The following RCAN2 variants were observed in gnomAD, a reference collection of about 807,000 sequenced individuals.
The protein encoded by RCAN2 is regulator of calcineurin 2.
A neutral mutation model predicts 23.6 loss-of-function variants in RCAN2; 9 were observed. The ratio of observed to expected loss-of-function variants is 0.38; its 90% CI spans 0.23 to 0.67. RCAN2 has a LOEUF of 0.67. Ranked by LOEUF, RCAN2 falls within the 30% of genes least tolerant of loss-of-function variation. The probability of loss-of-function intolerance (pLI) is 0.51; values close to 1 mark genes in which losing one functional copy is unlikely to be tolerated. For missense variants in RCAN2, 273 were observed against 302.3 expected, an observed-to-expected ratio of 0.90 and a Z score of 0.72; for synonymous variants, 109 against 115.7, an observed-to-expected ratio of 0.94 and a Z score of 0.37.
Position 46,385,456 on chromosome 6 carries a change from C to T in RCAN2, c.225+71296G>A, listed in dbSNP as rs370623398. Reference sequence around the variant, plus strand: ...AAAACAAGCAATGGGGAAACGTTTCCCTATTTAATAAATGGTGCTGGGAAA... The same window carrying T: ...AAAACAAGCAATGGGGAAACGTTTCTCTATTTAATAAATGGTGCTGGGAAA... On this transcript the variant is annotated intron_variant, in intron 2 of 4. Coordinates refer to ENST00000371374, the MANE Select transcript of RCAN2 (RefSeq NM_001251974.2). 2.5e-4 allele frequency among the ~76,000 whole-genome samples: 38 copies of T among 152,198 alleles called. 1 individual carries two copies. In the South Asian group the frequency reaches 5.2e-3, roughly 21 times the overall value.
intron 2 of RCAN2, among the ~76,000 whole-genome samples, chr6:46,406,070 G>A (rs549047120): frequency 6.6e-6 from 1 of 152,298 alleles, no homozygotes; most frequent in South Asian, 2.1e-4. Flanking sequence ...TGCGGGGCCC[G>A]CCAAGCCCAC....
chr6:46,480,401 GAAGA>G (rs996574110), intron 1 of RCAN2, among the ~76,000 whole-genome samples: 1 of 152,148 alleles, frequency 6.6e-6, no homozygotes, highest in African/African-American at 2.4e-5. Flanking sequence ...TTCCACAAAA[GAAGA>G]AAGAATGCAC....
chr6:46,258,181 A>G (rs1345470506), intron 2 of RCAN2, among the ~76,000 whole-genome samples: 1 of 152,216 alleles, frequency 6.6e-6, no homozygotes, highest in Non-Finnish European at 1.5e-5. Context: ...ATCACTTCTC[A>G]GTGGATACTA....
intron 2 of RCAN2, among the ~76,000 whole-genome samples, chr6:46,319,047 G>C (rs1307673199): frequency 6.6e-6 from 1 of 152,098 alleles, no homozygotes; most frequent in Non-Finnish European, 1.5e-5. Context: ...TTTAGCATTG[G>C]GAAAGGATAC....
intron 1 of RCAN2, among the ~76,000 whole-genome samples, chr6:46,486,294 T>G (rs971033647): frequency 1.3e-5 from 2 of 152,284 alleles, no homozygotes. Flanking sequence ...TTGTAAGGAT[T>G]AAATGAGATA....
At chr6:46,413,261 A>C (rs1049220607) in intron 2 of RCAN2, among the ~76,000 whole-genome samples, 1 of 152,254 alleles carries the variant, frequency 6.6e-6, no homozygotes, top group Non-Finnish European at 1.5e-5. Flanking sequence ...AGTATGAATG[A>C]AAATAAAATA....
chr6:46,303,444 C>T (rs1582084499), intron 2 of RCAN2, among the ~76,000 whole-genome samples: 1 of 151,976 alleles, frequency 6.6e-6, no homozygotes, highest in Admixed American at 6.6e-5. Flanking sequence ...GTAATAATTT[C>T]CAATCTCATT....
intron 2 of RCAN2, among the ~76,000 whole-genome samples, chr6:46,375,002 G>A (rs1222334549): frequency 1.3e-5 from 2 of 152,168 alleles, no homozygotes; most frequent in Non-Finnish European, 2.9e-5. Context: ...TGCCTCCCGG[G>A]TTCAAGCAAT....
chr6:46,299,978 G>C (rs570051057), intron 2 of RCAN2, among the ~76,000 whole-genome samples: 1 of 151,718 alleles, frequency 6.6e-6, no homozygotes, highest in African/African-American at 2.4e-5. Context: ...TGATATACAC[G>C]AAGATAAAGT....
intron 2 of RCAN2, among the ~76,000 whole-genome samples, chr6:46,255,721 C>T (rs760353827): frequency 1.2e-4 from 18 of 152,036 alleles, no homozygotes; most frequent in Non-Finnish European, 2.4e-4. Context: ...AGATAAGCTG[C>T]GTGAGAAACA....
chr6:46,352,577 T>G (rs1234558781), intron 2 of RCAN2, among the ~76,000 whole-genome samples: 2 of 152,166 alleles, frequency 1.3e-5, no homozygotes, highest in Non-Finnish European at 2.9e-5. Flanking sequence ...GTAAATGCCA[T>G]TCCAGACCTG....
intron 2 of RCAN2, among the ~76,000 whole-genome samples, chr6:46,305,826 C>G (rs971390310): frequency 6.6e-6 from 1 of 151,712 alleles, no homozygotes; most frequent in Non-Finnish European, 1.5e-5. Context: ...ATTTAACATA[C>G]GAGAAATATA....
At chr6:46,267,383 A>C (rs1317586159) in intron 2 of RCAN2, among the ~76,000 whole-genome samples, 3 of 152,190 alleles carry the variant, frequency 2.0e-5, no homozygotes, top group Non-Finnish European at 1.5e-5. Context: ...GTTTATCAGA[A>C]AAAAAGAATT....
chr6:46,450,970 T>C (rs1037171571), intron 2 of RCAN2, among the ~76,000 whole-genome samples: 35 of 152,240 alleles, frequency 2.3e-4, no homozygotes, highest in Admixed American at 2.3e-3. Context: ...ATATGTTAAT[T>C]AGCTCAAATT....
At chr6:46,270,036 A>G (rs1233093050) in intron 2 of RCAN2, among the ~76,000 whole-genome samples, 2 of 152,114 alleles carry the variant, frequency 1.3e-5, no homozygotes, top group African/African-American at 4.8e-5. Context: ...CATAATTTAG[A>G]GGTAGCGAAT....
intron 2 of RCAN2, among the ~76,000 whole-genome samples, chr6:46,252,872 A>C (rs1766781352): frequency 6.6e-6 from 1 of 152,228 alleles, no homozygotes; most frequent in Admixed American, 6.5e-5. Context: ...GAGTATTTTA[A>C]CAGCCCTTCA....
chr6:46,485,637 T>C (rs1172086210), intron 1 of RCAN2, among the ~76,000 whole-genome samples: 1 of 152,206 alleles, frequency 6.6e-6, no homozygotes, highest in Non-Finnish European at 1.5e-5. Context: ...GTTCTGCCTG[T>C]CACTCACGCT....
At chr6:46,229,813 G>A (rs1052987321) in intron 4 of RCAN2, among the ~76,000 whole-genome samples, 1 of 152,166 alleles carries the variant, frequency 6.6e-6, no homozygotes, top group Non-Finnish European at 1.5e-5. Flanking sequence ...TTGTTCCATT[G>A]CTGGTGAGGA....
At chr6:46,470,556 C>A (rs561646325) in intron 1 of RCAN2, among the ~76,000 whole-genome samples, 3 of 152,194 alleles carry the variant, frequency 2.0e-5, no homozygotes, top group East Asian at 1.9e-4. Flanking sequence ...ATAGCTCTAC[C>A]TTTCAGATGT....
Sources: allele counts gnomAD v4.1 joint callset (sites outside exome capture counted in the v4.1 genomes callset), GRCh38; gene constraint gnomAD v4.1.1; transcripts MANE v1.5; gene names NCBI Gene and HGNC (gene_info 2026-07-23, HGNC 2026-07-21).